SPOCK1: variants seen among roughly 807,000 people sequenced by gnomAD.
The protein encoded by SPOCK1 is SPARC (osteonectin), cwcv and kazal like domains proteoglycan 1.
In SPOCK1, 23 loss-of-function variants were observed where a neutral mutation model predicts 55.3. That is an observed-to-expected ratio of 0.42 (90% confidence interval 0.30 to 0.59). The LOEUF (loss-of-function observed/expected upper bound fraction) is 0.59, where lower values mean the gene tolerates loss of function less well. Among genes scored for constraint, SPOCK1 ranks in the 20% least tolerant of loss-of-function variants. The probability of loss-of-function intolerance (pLI) is 0.22; values close to 1 mark genes in which losing one functional copy is unlikely to be tolerated. For missense variants in SPOCK1, 499 were observed against 552.5 expected (o/e 0.90, Z 0.97); for synonymous variants, 226 against 221.0 (o/e 1.02, Z -0.20).
intron 5 of SPOCK1, among the ~76,000 whole-genome samples, chr5:137,109,732 C>G (rs1753432215): frequency 6.6e-6 from 1 of 152,134 alleles, no homozygotes; most frequent in African/African-American, 2.4e-5. Context: ...ACTGCACTGG[C>G]CCATGCTATT....
intron 2 of SPOCK1, among the ~76,000 whole-genome samples, chr5:137,447,211 C>A (rs1395806047): frequency 1.3e-5 from 2 of 152,118 alleles, no homozygotes; most frequent in African/African-American, 4.8e-5. Context: ...TTCATTGTTT[C>A]CTAATATAAA....
chr5:137,142,498 T>G (rs1754119096), intron 3 of SPOCK1, among the ~76,000 whole-genome samples: 1 of 152,182 alleles, frequency 6.6e-6, no homozygotes, highest in Admixed American at 6.5e-5. Context: ...CAGGCCCATC[T>G]GGAAAGTAAT....
intron 6 of SPOCK1, among the ~76,000 whole-genome samples, chr5:137,026,602 T>C (rs906969241): frequency 2.0e-5 from 3 of 151,974 alleles, no homozygotes; most frequent in Non-Finnish European, 4.4e-5. Context: ...CCTCTCCCTC[T>C]CCCTCTCCCT....
intron 3 of SPOCK1, among the ~76,000 whole-genome samples, chr5:137,178,855 A>T (rs1181829944): frequency 6.6e-6 from 1 of 152,222 alleles, no homozygotes; most frequent in Non-Finnish European, 1.5e-5. Flanking sequence ...CGTGTAAACC[A>T]CTATATCCCC....
chr5:137,356,836 T>TAGAGAGAGAGAGAG (rs1352078666), intron 2 of SPOCK1, among the ~76,000 whole-genome samples: 17 of 8,776 alleles, frequency 1.9e-3, no homozygotes, highest in South Asian at 6.0e-3. Flanking sequence ...TATATATATA[T>TAGAGAGAGAGAGAG]ATAGAGAGAG....
chr5:137,327,804 T>C (rs577053232), intron 2 of SPOCK1, among the ~76,000 whole-genome samples: 3 of 152,226 alleles, frequency 2.0e-5, no homozygotes, highest in African/African-American at 7.2e-5. Flanking sequence ...GCCACACACA[T>C]GCATGAGCTG....
At chr5:137,060,612 A>G (rs1415619831) in intron 6 of SPOCK1, among the ~76,000 whole-genome samples, 1 of 145,642 alleles carries the variant, frequency 6.9e-6, no homozygotes, top group Non-Finnish European at 1.5e-5. Context: ...AAATAAAAAG[A>G]ATGTATGTTA....
At chr5:137,182,432 T>C (rs1249325991) in intron 3 of SPOCK1, among the ~76,000 whole-genome samples, 2 of 152,232 alleles carry the variant, frequency 1.3e-5, no homozygotes, top group Non-Finnish European at 2.9e-5. Flanking sequence ...CTCTTGGTTA[T>C]TCAACAAATA....
chr5:137,282,861 G>A (rs1270389393), intron 2 of SPOCK1, among the ~76,000 whole-genome samples: 1 of 152,176 alleles, frequency 6.6e-6, no homozygotes, highest in Non-Finnish European at 1.5e-5. Context: ...TCTCTGAAGT[G>A]GGGCTCTGAA....
Position 137,475,271 on chromosome 5 carries a change from TAAC to T in SPOCK1, c.186+23099_186+23101del, listed in dbSNP as rs367559829. 5.9e-5 allele frequency among the ~76,000 whole-genome samples: 9 copies of T among 152,048 alleles called. No individual in the cohort carries two copies. The East Asian group carries it at 1.7e-3, about 29-fold the overall frequency. On this transcript the variant is annotated intron_variant, in intron 2 of 10. Coordinates refer to ENST00000394945, the MANE Select transcript of SPOCK1 (RefSeq NM_004598.4). ...ACAACCTGCCTGAACCCTTGAAAAA[TAAC>T]AATATCCAGAAGGACCCCCCTCGCC...
rs747845177 is a variant in SPOCK1 at position 137,343,563 on chromosome 5, C to A, written c.187-76508G>T. On this transcript the variant is annotated intron_variant, in intron 2 of 10. Coordinates refer to ENST00000394945, the MANE Select transcript of SPOCK1 (RefSeq NM_004598.4). ...CTTCCAACCCACTCAGCTGCCTCAA[C>A]TCTAGCAACCATCACAGCCACCTGT... is the stretch of plus-strand genomic sequence containing the variant. Among the ~76,000 whole-genome samples, 146 of 152,236 alleles carry A rather than the reference C, an allele frequency of 9.6e-4. 4 individuals carry two copies. Among genetic ancestry groups the A allele is most frequent in the Non-Finnish European group, 3.4e-4 (23 of 68,042 alleles).
chr5:137,097,287 GC>G (rs1315530907), intron 5 of SPOCK1, among the ~76,000 whole-genome samples: 2 of 152,154 alleles, frequency 1.3e-5, no homozygotes, highest in Non-Finnish European at 2.9e-5. Context: ...GCAGTTCTAA[GC>G]CCAGTTTTCT....
At chr5:137,467,938 T>A (rs1041680772) in intron 2 of SPOCK1, among the ~76,000 whole-genome samples, 1 of 152,216 alleles carries the variant, frequency 6.6e-6, no homozygotes, top group African/African-American at 2.4e-5. Context: ...TTAGGTTGGA[T>A]CTACAAACAA....
intron 2 of SPOCK1, among the ~76,000 whole-genome samples, chr5:137,274,844 G>A (rs563898485): frequency 1.3e-5 from 2 of 152,264 alleles, no homozygotes; most frequent in South Asian, 2.1e-4. Flanking sequence ...GGGCAGACAC[G>A]TACTATCTAA....
chr5:137,477,710 G>A (rs1753865019), intron 2 of SPOCK1, among the ~76,000 whole-genome samples: 2 of 152,148 alleles, frequency 1.3e-5, no homozygotes, highest in South Asian at 2.1e-4. Context: ...ATTTGAGGGG[G>A]AAAACAGAGC....
At chr5:137,490,561 G>T (rs1292552185) in intron 2 of SPOCK1, among the ~76,000 whole-genome samples, 1 of 152,164 alleles carries the variant, frequency 6.6e-6, no homozygotes, top group Non-Finnish European at 1.5e-5. Context: ...GACCTCTCTG[G>T]CAGGACAAGA....
At chr5:137,107,983 T>C (rs888175651) in intron 5 of SPOCK1, among the ~76,000 whole-genome samples, 3 of 151,982 alleles carry the variant, frequency 2.0e-5, no homozygotes, top group Non-Finnish European at 2.9e-5. Flanking sequence ...CTTAATGACA[T>C]TGAATCACCT....
At chr5:137,121,646 CATTA>C (rs1158742853) in intron 4 of SPOCK1, among the ~76,000 whole-genome samples, 1 of 145,250 alleles carries the variant, frequency 6.9e-6, no homozygotes, top group East Asian at 2.0e-4. Context: ...CATATAGTGA[CATTA>C]ATTATATATA....
intron 3 of SPOCK1, among the ~76,000 whole-genome samples, chr5:137,211,437 C>T (rs897801997): frequency 2.0e-5 from 3 of 152,174 alleles, no homozygotes; most frequent in Admixed American, 6.5e-5. Context: ...TGAGACAAAG[C>T]TCCTAAAACT....
Sources: allele counts gnomAD v4.1 joint callset (sites outside exome capture counted in the v4.1 genomes callset), GRCh38; gene constraint gnomAD v4.1.1; transcripts MANE v1.5; gene names NCBI Gene and HGNC (gene_info 2026-07-23, HGNC 2026-07-21).